MINDY2: variants seen among roughly 807,000 people sequenced by gnomAD.
MINDY2 encodes ubiquitin carboxyl-terminal hydrolase MINDY-2.
In MINDY2, 52 loss-of-function variants were observed where a neutral mutation model predicts 68.2. That is an observed-to-expected ratio of 0.76 (90% CI 0.61 to 0.96). The LOEUF (loss-of-function observed/expected upper bound fraction) is 0.96. Ranked by LOEUF, MINDY2 falls within the 40% of genes least tolerant of loss-of-function variation. MINDY2 has a pLI of 0.00. For synonymous variants in MINDY2, 372 were observed against 303.0 expected (o/e 1.23, Z -2.36); for missense variants, 881 against 773.4 (o/e 1.14, Z -1.65).
chr15:58,813,888 A>T, intron 4 of MINDY2, among the ~76,000 whole-genome samples: 1 of 147,002 alleles, frequency 6.8e-6, no homozygotes, highest in African/African-American at 2.5e-5. Flanking sequence ...TATTTTAGCC[A>T]TTCTTAGGTA....
chr15:58,791,622 A>ACGTG (rs1555428847), intron 2 of MINDY2, among the ~76,000 whole-genome samples: 1 of 136,670 alleles, frequency 7.3e-6, no homozygotes, highest in Admixed American at 7.7e-5. Flanking sequence ...GTCTCAAAAT[A>ACGTG]TGTGTGTGTG....
At chr15:58,796,596 T>C (rs1288764619) in intron 2 of MINDY2, among the ~76,000 whole-genome samples, 1 of 152,260 alleles carries the variant, frequency 6.6e-6, no homozygotes, top group Non-Finnish European at 1.5e-5. Flanking sequence ...ACGATCTTGC[T>C]CACTGCAACC....
intron 5 of MINDY2, among the ~76,000 whole-genome samples, chr15:58,825,642 A>G (rs2031348318): frequency 6.6e-6 from 1 of 152,162 alleles, no homozygotes; most frequent in African/African-American, 2.4e-5. Context: ...TCAGCTGCCC[A>G]GGCTGGAGGC....
intron 7 of MINDY2, among the ~76,000 whole-genome samples, chr15:58,848,587 TA>T (rs1202903996): frequency 3.3e-5 from 5 of 151,042 alleles, no homozygotes; most frequent in Non-Finnish European, 1.5e-5. Context: ...ACTAAAAATA[TA>T]AAAATCAATT....
intron 8 of MINDY2, among the ~76,000 whole-genome samples, chr15:58,853,479 C>T (rs1003415552): frequency 6.6e-6 from 1 of 152,050 alleles, no homozygotes; most frequent in Admixed American, 6.6e-5. Flanking sequence ...TCACTAAATA[C>T]ACTTATTCCA....
At chr15:58,844,475 C>G (rs1320917713) in intron 6 of MINDY2, among the ~76,000 whole-genome samples, 1 of 150,232 alleles carries the variant, frequency 6.7e-6, no homozygotes, top group Non-Finnish European at 1.5e-5. Context: ...TGGGGTGAAC[C>G]CAGGAGGCGG....
At chr15:58,808,730 G>T (rs1415190472) in intron 3 of MINDY2, among the ~76,000 whole-genome samples, 1 of 151,932 alleles carries the variant, frequency 6.6e-6, no homozygotes, top group African/African-American at 2.4e-5. Flanking sequence ...TCAGCCTCCC[G>T]AGTAGCTGGG....
intron 1 of MINDY2, among the ~76,000 whole-genome samples, chr15:58,773,124 A>G (rs1418123215): frequency 2.3e-5 from 3 of 128,506 alleles, no homozygotes; most frequent in African/African-American, 6.6e-5. Context: ...TGTAGATGCA[A>G]TGTTTCCTAG....
intron 5 of MINDY2, among the ~76,000 whole-genome samples, chr15:58,827,079 T>C (rs1351618934): frequency 1.3e-5 from 2 of 152,226 alleles, no homozygotes; most frequent in African/African-American, 4.8e-5. Context: ...GCAGGGATGC[T>C]ACGTAGGTGA....
intron 6 of MINDY2, among the ~76,000 whole-genome samples, chr15:58,835,395 G>A (rs527357758): frequency 1.3e-5 from 2 of 152,262 alleles, no homozygotes; most frequent in African/African-American, 4.8e-5. Context: ...TCTCACGCCT[G>A]TAATCCCAGC....
chr15:58,779,062 A>T lies in MINDY2; in HGVS notation c.840+6827A>T, dbSNP rs1224791432. ...CAGGCGTGAGCCACTGTGCCCAACC[A>T]TTTTTTTTTTTTTCTCTTTAGAGAT... On this transcript the variant is annotated intron_variant, in intron 1 of 8. Coordinates refer to ENST00000559228, the MANE Select transcript of MINDY2 (RefSeq NM_001040450.3). Among the ~76,000 whole-genome samples, 177 of 142,032 alleles carry T rather than the reference A, an allele frequency of 1.2e-3. 1 individual carries two copies. Among genetic ancestry groups the T allele is most frequent in the African/African-American group, 4.4e-3 (169 of 38,842 alleles). The allele number at this position is 142,032 out of a possible 152,430, so 93.2% of individuals were successfully genotyped here. A position where few individuals can be genotyped will look rare whatever the true frequency, so the allele number is the denominator to read the frequency against.
chr15:58,800,162 T>C (rs771940907), intron 2 of MINDY2, among the ~76,000 whole-genome samples: 8 of 152,236 alleles, frequency 5.3e-5, no homozygotes, highest in Non-Finnish European at 1.0e-4. Flanking sequence ...CTCTTCCATT[T>C]TTTTGGCCTA....
chr15:58,846,294 G>A (rs1353314361), intron 6 of MINDY2, among the ~76,000 whole-genome samples: 2 of 152,094 alleles, frequency 1.3e-5, no homozygotes, highest in African/African-American at 4.8e-5. Flanking sequence ...TTGCATGCCT[G>A]TATCAAAATA....
intron 1 of MINDY2, among the ~76,000 whole-genome samples, chr15:58,776,723 G>A (rs747719683): frequency 6.6e-5 from 10 of 152,082 alleles, no homozygotes; most frequent in African/African-American, 2.2e-4. Flanking sequence ...ACAAGGTCAC[G>A]TTAAGATAGA....
intron 7 of MINDY2, among the ~76,000 whole-genome samples, chr15:58,851,465 GTCTC>G (rs1224593670): frequency 6.6e-6 from 1 of 150,970 alleles, no homozygotes; most frequent in Non-Finnish European, 1.5e-5. Flanking sequence ...TATAGACAGG[GTCTC>G]TCTCTGTCAC....
At chr15:58,838,747 T>A (rs553036724) in intron 6 of MINDY2, among the ~76,000 whole-genome samples, 3 of 151,756 alleles carry the variant, frequency 2.0e-5, no homozygotes, top group Non-Finnish European at 4.4e-5. Flanking sequence ...CCACCACTCC[T>A]GGCTTATTTT....
intron 2 of MINDY2, among the ~76,000 whole-genome samples, chr15:58,801,467 C>T (rs1299922377): frequency 7.7e-6 from 1 of 129,408 alleles, no homozygotes; most frequent in Non-Finnish European, 1.6e-5. Flanking sequence ...ACAGTTAATA[C>T]ATAATTTGAA....
chr15:58,845,858 T>G (rs1387430000), intron 6 of MINDY2, among the ~76,000 whole-genome samples: 1 of 152,210 alleles, frequency 6.6e-6, no homozygotes, highest in Non-Finnish European at 1.5e-5. Flanking sequence ...GGAGCACTAT[T>G]CACACACAAA....
At chr15:58,843,469 T>G (rs1398615589) in intron 6 of MINDY2, among the ~76,000 whole-genome samples, 1 of 152,152 alleles carries the variant, frequency 6.6e-6, no homozygotes, top group Non-Finnish European at 1.5e-5. Context: ...TTAAGTAATT[T>G]GAATCCGAGC....
Sources: allele counts gnomAD v4.1 joint callset (sites outside exome capture counted in the v4.1 genomes callset), GRCh38; gene constraint gnomAD v4.1.1; transcripts MANE v1.5; gene names NCBI Gene and HGNC (gene_info 2026-07-23, HGNC 2026-07-21).